Variants in CDH23 observed in about 807,000 individuals in gnomAD.
The protein encoded by CDH23 is cadherin related 23, also known as cadherin-23.
A neutral mutation model predicts 317.1 loss-of-function variants in CDH23; 189 were observed. The ratio of observed to expected loss-of-function variants is 0.60; its 90% CI spans 0.53 to 0.67. CDH23 has a LOEUF of 0.67. Among genes scored for constraint, CDH23 ranks in the 30% least tolerant of loss-of-function variants. The pLI is 0.00. For missense variants in CDH23, 4,401 were observed against 4,592.4 expected (o/e 0.96, Z 1.20); for synonymous variants, 1,839 against 1,876.8 (o/e 0.98, Z 0.52).
chr10:71,631,893 T>C (rs1245941771), intron 11 of CDH23, among the ~76,000 whole-genome samples: 1 of 152,226 alleles, frequency 6.6e-6, no homozygotes, highest in Non-Finnish European at 1.5e-5. Context: ...AGCCACTCGC[T>C]ATTGCCCTGT....
chr10:71,631,796 T>C (rs1282170689), intron 11 of CDH23, among the ~76,000 whole-genome samples: 2 of 152,154 alleles, frequency 1.3e-5, no homozygotes, highest in Non-Finnish European at 2.9e-5. Flanking sequence ...TGCTAAATAG[T>C]CCTACAGGGA....
chr10:71,707,445 G>A (rs1865834634), intron 26 of CDH23: 1 of 1,238,860 alleles, frequency 8.1e-7, no homozygotes, highest in African/African-American at 1.5e-5. Context: ...GACCTGTTGA[G>A]AATTCCCACC....
In CDH23 at chr10:71,767,314, G is replaced by C. The variant is rs573123010; in HGVS notation, c.4846-10366G>C. Among the ~76,000 whole-genome samples the C allele has an allele frequency of 5.9e-5, 9 of 152,314 alleles. No individual in the cohort carries two copies. The South Asian group carries it at 1.9e-3, about 32-fold the overall frequency. On this transcript the variant is annotated intron_variant, in intron 38 of 69. Coordinates refer to ENST00000224721, the MANE Select transcript of CDH23 (RefSeq NM_022124.6). ...CAGGGCGTGAGCTTAGCCCACAGTC[G>C]CCAAGGCAACGCCCTAGCCTTTGGA... is the stretch of plus-strand genomic sequence containing the variant.
intron 6 of CDH23, among the ~76,000 whole-genome samples, chr10:71,530,637 C>A (rs540655618): frequency 6.6e-6 from 1 of 152,350 alleles, no homozygotes; most frequent in East Asian, 1.9e-4. Flanking sequence ...ACAATTCCGA[C>A]AGCCTCTCAT....
chr10:71,667,886 A>AG, intron 14 of CDH23, among the ~76,000 whole-genome samples: 1 of 152,142 alleles, frequency 6.6e-6, no homozygotes, highest in Admixed American at 6.5e-5. Flanking sequence ...CACAAGATGA[A>AG]GGGGGACTAC....
intron 6 of CDH23, among the ~76,000 whole-genome samples, chr10:71,558,742 G>T (rs1856986920): frequency 6.6e-6 from 1 of 152,248 alleles, no homozygotes; most frequent in South Asian, 2.1e-4. Context: ...ATTATGGGAT[G>T]ATTGGAGGAG....
intron 3 of CDH23, among the ~76,000 whole-genome samples, chr10:71,471,606 A>G (rs1488831807): frequency 1.3e-5 from 2 of 152,154 alleles, no homozygotes; most frequent in Admixed American, 6.5e-5. Flanking sequence ...TGAGCCCTGG[A>G]AGCTGCACCA....
chr10:71,737,604 T>G (rs968023119), intron 34 of CDH23: 1 of 449,238 alleles, frequency 2.2e-6, no homozygotes. Context: ...GAACCCCACA[T>G]GCAGGGAAGC....
chr10:71,744,841 T>C (rs1363972422), intron 38 of CDH23, among the ~76,000 whole-genome samples: 1 of 152,242 alleles, frequency 6.6e-6, no homozygotes. Context: ...TGATGCTTTC[T>C]TCCAGACCGT....
At chr10:71,758,104 C>T (rs1027836409) in intron 38 of CDH23, among the ~76,000 whole-genome samples, 13 of 152,066 alleles carry the variant, frequency 8.5e-5, no homozygotes, top group African/African-American at 2.7e-4. Context: ...GGAGCCAAGG[C>T]GGGTAGATCA....
intron 3 of CDH23, among the ~76,000 whole-genome samples, chr10:71,494,589 G>A (rs909706358): frequency 1.3e-5 from 2 of 152,198 alleles, no homozygotes; most frequent in African/African-American, 4.8e-5. Context: ...TGTGCAAAGT[G>A]CTTAACAGAG....
At chr10:71,645,771 G>A in intron 12 of CDH23, 60 bp from the exon 13 acceptor site, 1 of 1,584,820 alleles carries the variant, frequency 6.3e-7, no homozygotes, top group East Asian at 2.3e-5. Context: ...TCCTCCATTT[G>A]GGTCTAGGCT....
At chr10:71,619,161 C>A (rs1243543411) in intron 11 of CDH23, among the ~76,000 whole-genome samples, 3 of 151,946 alleles carry the variant, frequency 2.0e-5, no homozygotes, top group Non-Finnish European at 4.4e-5. Context: ...ACGGTGAAAC[C>A]CCATCTCTAC....
rs1839425751 is a variant in CDH23 at position 71,732,474 on chromosome 10, G to A, written c.4104+99G>A. Reference sequence around the variant, plus strand: ...AGCACTCTCCTCTTTGTCATAAAATGTCCTTGAGATGGCCAAGTGTGGTGT... The same window carrying A: ...AGCACTCTCCTCTTTGTCATAAAATATCCTTGAGATGGCCAAGTGTGGTGT... On this transcript the variant is annotated intron_variant, in intron 32 of 69. Coordinates refer to ENST00000224721, the MANE Select transcript of CDH23 (RefSeq NM_022124.6). 8.0e-6 allele frequency: 12 copies of A among 1,501,798 alleles called. No individual in the cohort carries two copies. In the African/African-American group the frequency reaches 1.1e-4, roughly 14 times the overall value. The allele number at this position is 1,501,798 out of a possible 1,614,324, so 93.0% of individuals were successfully genotyped here.
chr10:71,717,835 T>A (rs1866351320), intron 28 of CDH23: 1 of 152,104 alleles, frequency 6.6e-6, no homozygotes, highest in South Asian at 2.1e-4. Flanking sequence ...TCAAATTTGT[T>A]GAAGGCAAGA....
chr10:71,500,968 C>G (rs1853297989), intron 3 of CDH23, among the ~76,000 whole-genome samples: 1 of 151,958 alleles, frequency 6.6e-6, no homozygotes. Flanking sequence ...CTCCTGGGCT[C>G]TAGCAATTCT....
chr10:71,719,011 G>C (rs1300604906), intron 28 of CDH23, among the ~76,000 whole-genome samples: 1 of 152,098 alleles, frequency 6.6e-6, no homozygotes, highest in Non-Finnish European at 1.5e-5. Context: ...CCAAAAGTTT[G>C]AGGCTACAGC....
chr10:71,659,960 G>GTTTTT (rs5786047), intron 14 of CDH23, among the ~76,000 whole-genome samples: 4 of 119,526 alleles, frequency 3.3e-5, no homozygotes, highest in Non-Finnish European at 5.0e-5. Flanking sequence ...CTTTCTTTCC[G>GTTTTT]TTTTTTTTTT....
At chr10:71,566,533 C>T (rs963336423) in intron 6 of CDH23, among the ~76,000 whole-genome samples, 1 of 152,100 alleles carries the variant, frequency 6.6e-6, no homozygotes, top group Non-Finnish European at 1.5e-5. Context: ...GTGCTCTTTA[C>T]AGCCACCAGG....
Sources: gnomAD v4.1 joint callset for allele counts (sites outside exome capture counted in the v4.1 genomes callset) on GRCh38, gnomAD v4.1.1 for gene constraint, MANE v1.5 for transcripts, NCBI Gene and HGNC (gene_info 2026-07-23, HGNC 2026-07-21) for gene names.